Variants in UNC13B observed in about 807,000 individuals in gnomAD.
The protein encoded by UNC13B is protein unc-13 homolog B.
Under a neutral mutation model 211.0 loss-of-function variants are expected in UNC13B, and 144 were observed. The observed-to-expected ratio is 0.68, with a 90% CI of 0.60 to 0.78. The LOEUF is 0.78. Among genes scored for constraint, UNC13B ranks in the 30% least tolerant of loss-of-function variants. The pLI, the probability that UNC13B is intolerant of heterozygous loss-of-function variation, is 0.00. For missense variants in UNC13B, 1,777 were observed against 2,002.0 expected (o/e 0.89, Z 2.14); for synonymous variants, 709 against 725.8 (o/e 0.98, Z 0.37).
chr9:35,403,268 T>C lies in UNC13B; in HGVS notation c.12577+9T>C. The C allele has an allele frequency of 6.2e-7, 1 of 1,613,996 alleles. No individual in the cohort carries two copies. The highest frequency in any genetic ancestry group is 8.5e-7 in the Non-Finnish European group (1 of 1,179,906). On this transcript the variant is annotated intron_variant, in intron 38 of 39. Transcript: ENST00000635942. ...CAAGGTCACAGTGAAAGGTGAGTGA[T>C]GGACTTACAGGTCTGCCCTTTCCTT...
intron 7 of UNC13B, among the ~76,000 whole-genome samples, chr9:35,276,103 C>T (rs1011945905): frequency 6.6e-6 from 1 of 151,710 alleles, no homozygotes; most frequent in Non-Finnish European, 1.5e-5. Context: ...CTCAGGAGTT[C>T]GAGACCAGCC....
intron 7 of UNC13B, among the ~76,000 whole-genome samples, chr9:35,261,585 C>T (rs1449737767): frequency 6.6e-6 from 1 of 151,998 alleles, no homozygotes; most frequent in Non-Finnish European, 1.5e-5. Flanking sequence ...GGGTATCCAT[C>T]ACCTCAAGCA....
chr9:35,362,291 G>A (rs887293328), intron 11 of UNC13B, among the ~76,000 whole-genome samples: 2 of 152,232 alleles, frequency 1.3e-5, no homozygotes, highest in Admixed American at 1.3e-4. Context: ...GCTGGGGACA[G>A]GAGGAGACGT....
intron 7 of UNC13B, among the ~76,000 whole-genome samples, chr9:35,294,663 A>G (rs1449125294): frequency 6.6e-6 from 1 of 152,228 alleles, no homozygotes; most frequent in Admixed American, 6.5e-5. Flanking sequence ...AAGTATCTCC[A>G]TTTTGGGATG....
intron 2 of UNC13B, among the ~76,000 whole-genome samples, chr9:35,230,470 CAAAAAAAAAAA>C (rs765330072): frequency 1.4e-4 from 7 of 50,330 alleles, no homozygotes; most frequent in Admixed American, 3.9e-4. Flanking sequence ...GACTCTGTCT[CAAAAAAAAAAA>C]AAAAAAAAAA....
chr9:35,263,827 GAC>G (rs950865666), intron 7 of UNC13B, among the ~76,000 whole-genome samples: 9 of 152,090 alleles, frequency 5.9e-5, no homozygotes, highest in Non-Finnish European at 1.0e-4. Flanking sequence ...ACCAAGTGAG[GAC>G]ACAGTAAGAA....
At chr9:35,204,263 G>C (rs1469967790) in intron 1 of UNC13B, among the ~76,000 whole-genome samples, 1 of 152,252 alleles carries the variant, frequency 6.6e-6, no homozygotes, top group African/African-American at 2.4e-5. Context: ...GGATGTCCAG[G>C]CTGAAGCCTA....
chr9:35,317,953 A>G (rs1413494063), intron 11 of UNC13B, among the ~76,000 whole-genome samples: 4 of 152,192 alleles, frequency 2.6e-5, no homozygotes, highest in Admixed American at 2.6e-4. Flanking sequence ...AGCAAAGCAA[A>G]GTAATTAGCC....
intron 11 of UNC13B, among the ~76,000 whole-genome samples, chr9:35,334,027 G>A (rs1361297984): frequency 6.6e-6 from 1 of 151,506 alleles, no homozygotes; most frequent in Non-Finnish European, 1.5e-5. Flanking sequence ...GTGCAGTGGT[G>A]TGATCTTGGC....
Position 35,383,160 on chromosome 9 carries a change from T to C in UNC13B, c.10806+653T>C, listed in dbSNP as rs560317670. On this transcript the variant is annotated intron_variant, in intron 21 of 39. Coordinates refer to ENST00000635942, the MANE Select transcript of UNC13B (RefSeq NM_001371189.2). ...AAAATCTTGTTCAGTCTGTCTGTGA[T>C]GGATTCATATTACTTGAGTTGATAT... Among the ~76,000 whole-genome samples, 5 of 152,328 alleles carry C rather than the reference T, an allele frequency of 3.3e-5. No individual in the cohort carries two copies. In the East Asian group the frequency reaches 7.7e-4, roughly 23 times the overall value.
chr9:35,203,689 G>C (rs942801739), intron 1 of UNC13B, among the ~76,000 whole-genome samples: 5 of 152,232 alleles, frequency 3.3e-5, no homozygotes, highest in African/African-American at 4.8e-5. Context: ...GAGTATTCAA[G>C]ATGTGGCCTG....
intron 11 of UNC13B, among the ~76,000 whole-genome samples, chr9:35,319,391 A>T: frequency 8.4e-6 from 1 of 118,678 alleles, no homozygotes. Context: ...TGACAGAGTG[A>T]GACCCTATCT....
chr9:35,353,027 C>T lies in UNC13B; in HGVS notation c.9415-13920C>T, dbSNP rs371505890. ...GGGCTGCGAAGCTGGGCTCGATATTCTGAGCTCAAAGGAACTAGAGGACCT... is the reference window on the plus strand; with the variant it reads ...GGGCTGCGAAGCTGGGCTCGATATTTTGAGCTCAAAGGAACTAGAGGACCT... On this transcript the variant is annotated intron_variant, in intron 11 of 39. Coordinates refer to ENST00000635942, the MANE Select transcript of UNC13B (RefSeq NM_001371189.2). 182 of 1,232,170 alleles carry T rather than the reference C, an allele frequency of 1.5e-4. No individual in the cohort carries two copies. The East Asian group carries it at 4.7e-3, about 32-fold the overall frequency. The allele number at this position is 1,232,170 out of a possible 1,614,324, so 76.3% of individuals were successfully genotyped here.
At chr9:35,353,529 A>C (rs907301731) in intron 11 of UNC13B, 8 of 1,231,960 alleles carry the variant, frequency 6.5e-6, no homozygotes, top group Non-Finnish European at 8.1e-6. Context: ...ACACAGGGAG[A>C]GCAAACCCCT....
At chr9:35,314,276 G>A (rs1282651834) in intron 11 of UNC13B, among the ~76,000 whole-genome samples, 3 of 152,068 alleles carry the variant, frequency 2.0e-5, no homozygotes, top group East Asian at 3.9e-4. Flanking sequence ...AGTTTAGGGC[G>A]AGTTTAGGGC....
chr9:35,266,788 T>G (rs779863801), intron 7 of UNC13B, among the ~76,000 whole-genome samples: 2 of 152,208 alleles, frequency 1.3e-5, no homozygotes, highest in Admixed American at 1.3e-4. Context: ...TGTAGGGTAA[T>G]TATTGTGATT....
intron 11 of UNC13B, among the ~76,000 whole-genome samples, chr9:35,338,402 C>T (rs770676558): frequency 1.5e-4 from 23 of 152,106 alleles, no homozygotes; most frequent in Admixed American, 6.5e-4. Context: ...TGTCTTAGTG[C>T]ATCAGTAAAG....
At chr9:35,221,446 T>G (rs1327452538) in intron 1 of UNC13B, among the ~76,000 whole-genome samples, 2 of 152,238 alleles carry the variant, frequency 1.3e-5, no homozygotes, top group East Asian at 1.9e-4. Flanking sequence ...TTTTTCCTAT[T>G]GACTTGTCTG....
In UNC13B at chr9:35,305,605, T is replaced by A. The variant is rs766731166; in HGVS notation, c.6201T>A (p.Asn2067Lys). ...AATCAACTAGAGGGATCCAGGGTAATGATTTGACTGAAAAAGAGGTACCAT... is the reference window on the plus strand; with the variant it reads ...AATCAACTAGAGGGATCCAGGGTAAAGATTTGACTGAAAAAGAGGTACCAT... ...LEESTRGIQG[N>K]DLTEKEVPFR... is the part of the protein sequence containing the mutation. Residue 2067 changes from asparagine to lysine, a missense_variant, in exon 9 of 40, where the codon AAT (asparagine) becomes AAA (lysine). Physicochemically the swap from Asn to Lys is moderately conservative, Grantham distance 94. Transcript: ENST00000635942. The A allele has an allele frequency of 2.3e-5, 9 of 398,814 alleles. No homozygotes were observed. The highest frequency in any genetic ancestry group is 3.5e-5 in the Non-Finnish European group (8 of 226,010). 24.7% of individuals were successfully genotyped at this position (398,814 alleles called of 1,614,324 possible).
Sources: gnomAD v4.1 joint callset for allele counts (sites outside exome capture counted in the v4.1 genomes callset) on GRCh38, gnomAD v4.1.1 for gene constraint, MANE v1.5 for transcripts, NCBI Gene and HGNC (gene_info 2026-07-23, HGNC 2026-07-21) for gene names.